The following SPATA31H1 variants were observed in gnomAD, a reference collection of about 807,000 sequenced individuals.
SPATA31H1 encodes the protein SPATA31 subfamily H member 1, also known as spermatogenesis-associated protein 31H1.
chr2:27,580,587 A>G, the SPATA31H1 span: 2 of 1,614,234 alleles, frequency 1.2e-6, no homozygotes, highest in Non-Finnish European at 1.7e-6. Context: ...CTCTTTAAAA[A>G]GACAACCTAA....
chr2:27,576,403 C>G, the SPATA31H1 span: 3 of 580,238 alleles, frequency 5.2e-6, no homozygotes, highest in African/African-American at 5.6e-5. Flanking sequence ...AATGTGAGAT[C>G]TGTGGTATTT....
At chr2:27,550,799 C>T in the SPATA31H1 span, among the ~76,000 whole-genome samples, 1 of 151,826 alleles carries the variant, frequency 6.6e-6, no homozygotes, top group Non-Finnish European at 1.5e-5. Context: ...TATTAATGTG[C>T]TGAATTACAC....
the SPATA31H1 span, chr2:27,581,010 A>T: frequency 6.2e-7 from 1 of 1,614,058 alleles, no homozygotes; most frequent in East Asian, 2.2e-5. Flanking sequence ...AACTGTTCAA[A>T]AGGACAGTAG....
chr2:27,559,179 T>C, the SPATA31H1 span, among the ~76,000 whole-genome samples: 30 of 152,136 alleles, frequency 2.0e-4, no homozygotes, highest in Middle Eastern at 0.014. Context: ...CTCCAGAGAG[T>C]AGCGATATTT....
chr2:27,565,469 G>T, the SPATA31H1 span: 5 of 700,502 alleles, frequency 7.1e-6, 1 homozygote, highest in Admixed American at 1.1e-4. Context: ...TTAAATAGCA[G>T]GTGGAGGGAG....
chr2:27,551,295 G>A, the SPATA31H1 span, among the ~76,000 whole-genome samples: 1 of 151,908 alleles, frequency 6.6e-6, no homozygotes, highest in Admixed American at 6.6e-5. Context: ...TTCTAATATT[G>A]TCCTTATTAG....
chr2:27,577,889 G>A, the SPATA31H1 span: 3 of 1,613,988 alleles, frequency 1.9e-6, no homozygotes, highest in Admixed American at 3.3e-5. This position sits in a 1 kb window ranked among gnomAD's most constrained non-coding sequence, Gnocchi z 4.5. Flanking sequence ...TCACCTCTGA[G>A]GCACGGCAGC....
the SPATA31H1 span, among the ~76,000 whole-genome samples, chr2:27,555,802 T>C: frequency 6.6e-6 from 1 of 151,882 alleles, no homozygotes; most frequent in African/African-American, 2.4e-5. Context: ...TATTCCTCCT[T>C]TGAATATAAT....
At chr2:27,578,500 T>G in the SPATA31H1 span, 3 of 1,614,104 alleles carry the variant, frequency 1.9e-6, no homozygotes, top group Non-Finnish European at 2.5e-6. Context: ...CTTCAAGAAC[T>G]GATAGTACCT....
the SPATA31H1 span, chr2:27,577,747 TATCA>T: frequency 6.2e-7 from 1 of 1,614,036 alleles, no homozygotes; most frequent in South Asian, 1.1e-5. This position sits in a 1 kb window ranked among gnomAD's most constrained non-coding sequence, Gnocchi z 4.5. Context: ...CCAGGGATAA[TATCA>T]GGGTTAGGAC....
the SPATA31H1 span, among the ~76,000 whole-genome samples, chr2:27,548,623 A>G: frequency 9.9e-5 from 15 of 150,988 alleles, no homozygotes; most frequent in South Asian, 3.1e-3. Context: ...AAAAAAAAAA[A>G]TCCCAATTGT....
At chr2:27,579,865 T>C in the SPATA31H1 span, 2 of 1,614,086 alleles carry the variant, frequency 1.2e-6, no homozygotes, top group Non-Finnish European at 1.7e-6. Context: ...GCAAAACTCT[T>C]AAGGAGTCAA....
chr2:27,555,386 TAA>T, the SPATA31H1 span, among the ~76,000 whole-genome samples: 2 of 151,936 alleles, frequency 1.3e-5, no homozygotes, highest in Non-Finnish European at 2.9e-5. Flanking sequence ...TATAAAAGTC[TAA>T]GAGCCATGTG....
the SPATA31H1 span, chr2:27,573,661 C>T: frequency 1.0e-5 from 4 of 398,218 alleles, no homozygotes; most frequent in Admixed American, 4.4e-5. Context: ...GGGCTTCACT[C>T]GCAAGATGTG....
At chr2:27,577,669 C>A in the SPATA31H1 span, 1 of 1,614,052 alleles carries the variant, frequency 6.2e-7, no homozygotes, top group Non-Finnish European at 8.5e-7. This position sits in a 1 kb window ranked among gnomAD's most constrained non-coding sequence, Gnocchi z 4.5. Context: ...GAGTTGACTT[C>A]TAAGTCAGGA....
the SPATA31H1 span, among the ~76,000 whole-genome samples, chr2:27,563,972 T>C: frequency 6.6e-6 from 1 of 152,216 alleles, no homozygotes; most frequent in Non-Finnish European, 1.5e-5. Flanking sequence ...CTGCCTAGCC[T>C]CCCAAAGTGC....
chr2:27,542,545 A>G, the SPATA31H1 span, among the ~76,000 whole-genome samples: 1 of 151,922 alleles, frequency 6.6e-6, no homozygotes, highest in Non-Finnish European at 1.5e-5. Flanking sequence ...TTTGATATAG[A>G]TGATATTCCA....
chr2:27,574,415 T>G, the SPATA31H1 span: 1 of 398,364 alleles, frequency 2.5e-6, no homozygotes, highest in East Asian at 3.6e-5. Flanking sequence ...GGAGGAAGTT[T>G]CCAGGTGTGA....
the SPATA31H1 span, chr2:27,575,901 A>G: frequency 2.5e-6 from 1 of 398,564 alleles, no homozygotes; most frequent in Non-Finnish European, 4.4e-6. The surrounding 1 kb of genome is among the most constrained non-coding windows in gnomAD (Gnocchi z 4.1). Context: ...TCCAGTTTCA[A>G]AACTTCAAGG....
Sources: gnomAD v4.1 joint callset for allele counts (sites outside exome capture counted in the v4.1 genomes callset) on GRCh38, gnomAD v4.1.1 for gene constraint, Gnocchi (gnomAD v3.1) non-coding constraint, MANE v1.5 for transcripts, NCBI Gene and HGNC (gene_info 2026-07-23, HGNC 2026-07-21) for gene names.